PIEZO2: variants seen among roughly 807,000 people sequenced by gnomAD.
PIEZO2 encodes the protein piezo type mechanosensitive ion channel component 2.
A neutral mutation model predicts 337.3 loss-of-function variants in PIEZO2; 172 were observed. That is an observed-to-expected ratio of 0.51 (90% CI 0.45 to 0.58). The LOEUF (loss-of-function observed/expected upper bound fraction) is 0.58, where lower values mean the gene tolerates loss of function less well. PIEZO2 is among the 20% of genes least tolerant of loss of function. PIEZO2 has a pLI of 0.00. For synonymous variants in PIEZO2, 1,251 were observed against 1,228.5 expected (o/e 1.02, Z -0.38); for missense variants, 3,028 against 3,391.3 (o/e 0.89, Z 2.66).
rs1271224410 is a variant in PIEZO2, at chr18:11,131,087, A to G, written c.64+17438T>C. On this transcript the variant is annotated intron_variant, in intron 1 of 55. Transcript: ENST00000674853. The surrounding 1 kb of genome is among the most constrained non-coding windows in gnomAD (Gnocchi z 5.3). Reference sequence around the variant, plus strand: ...CAAGGCCCTGCCACCTTCTGCAGATAACTACTCTCCTTTTGAGAGACAGCT... The same window carrying G: ...CAAGGCCCTGCCACCTTCTGCAGATGACTACTCTCCTTTTGAGAGACAGCT... Among the ~76,000 whole-genome samples, 1 of 152,184 alleles carries G rather than the reference A, an allele frequency of 6.6e-6. No homozygotes were observed. Among genetic ancestry groups the G allele is most frequent in the Non-Finnish European group, 1.5e-5 (1 of 68,022 alleles).
At chr18:10,808,169 G>A (rs949185936) in intron 7 of PIEZO2, among the ~76,000 whole-genome samples, 4 of 152,112 alleles carry the variant, frequency 2.6e-5, no homozygotes, top group African/African-American at 9.7e-5. Context: ...GCCCACTGCA[G>A]CCTTGAGTGC....
At chr18:10,691,087 GC>G in intron 48 of PIEZO2, 137 bp downstream of exon 48, 4 of 1,025,490 alleles carry the variant, frequency 3.9e-6, no homozygotes, top group Non-Finnish European at 5.7e-6. Context: ...TTGTTCCTTT[GC>G]CAACATCGTA....
intron 1 of PIEZO2, among the ~76,000 whole-genome samples, chr18:11,067,442 T>A (rs1403748489): frequency 6.6e-6 from 1 of 152,044 alleles, no homozygotes; most frequent in African/African-American, 2.4e-5. Context: ...TCAAAAGACA[T>A]AGCTTGGATG....
chr18:11,057,903 T>C (rs1349144485), intron 2 of PIEZO2, among the ~76,000 whole-genome samples: 1 of 152,220 alleles, frequency 6.6e-6, no homozygotes, highest in East Asian at 1.9e-4. Flanking sequence ...TATAGCACAG[T>C]AGTATGTAAC....
intron 3 of PIEZO2, among the ~76,000 whole-genome samples, chr18:10,931,118 T>C (rs2032054482): frequency 7.8e-6 from 1 of 127,436 alleles, no homozygotes; most frequent in African/African-American, 2.9e-5. Flanking sequence ...ACTGAATAAT[T>C]CTTCCTACTC....
intron 1 of PIEZO2, among the ~76,000 whole-genome samples, chr18:11,079,072 T>C (rs1192295537): frequency 6.6e-6 from 1 of 152,206 alleles, no homozygotes; most frequent in Non-Finnish European, 1.5e-5. Flanking sequence ...TCACTATAGG[T>C]GTTTCCATCA....
At chr18:11,059,597 G>T (rs537535744) in intron 2 of PIEZO2, among the ~76,000 whole-genome samples, 1 of 152,158 alleles carries the variant, frequency 6.6e-6, no homozygotes, top group African/African-American at 2.4e-5. Flanking sequence ...AAAAGGCAGG[G>T]GTTGCAATCC....
intron 4 of PIEZO2, among the ~76,000 whole-genome samples, chr18:10,906,108 C>T (rs1256556154): frequency 6.6e-6 from 1 of 152,060 alleles, no homozygotes; most frequent in Non-Finnish European, 1.5e-5. Flanking sequence ...AGAGCTAGGC[C>T]TTTTGAATTA....
rs765670004 is a variant in PIEZO2, at chr18:10,895,395, G to A, written c.329+15791C>T. 1.1e-4 allele frequency among the ~76,000 whole-genome samples: 16 copies of A among 151,870 alleles called. No homozygotes were observed. Among genetic ancestry groups the A allele is most frequent in the African/African-American group, 1.5e-4 (6 of 41,314 alleles). ...TGGGTGGCAGAGGTTGCAGTGAGCCGAGATTGCACCACAGCACTCCAGCCT... is the reference window on the plus strand; with the variant it reads ...TGGGTGGCAGAGGTTGCAGTGAGCCAAGATTGCACCACAGCACTCCAGCCT... On this transcript the variant is annotated intron_variant, in intron 4 of 55. Coordinates refer to ENST00000674853, the MANE Select transcript of PIEZO2 (RefSeq NM_001378183.1). The surrounding 1 kb of genome is among the most constrained non-coding windows in gnomAD (Gnocchi z 4.8).
Position 10,675,294 on chromosome 18 carries a change from C to A in PIEZO2, c.8082-6G>T. 2 of 1,438,536 alleles carry A rather than the reference C, an allele frequency of 1.4e-6. No individual in the cohort carries two copies. Among genetic ancestry groups the A allele is most frequent in the Admixed American group, 2.6e-5 (1 of 39,040 alleles). 89.1% of individuals were successfully genotyped at this position (1,438,536 alleles called of 1,614,324 possible). ...GATAAATCTTTTCTATGGTCCTGTA[C>A]ATTAAGAAAAAAAAGATACAATTAC... On this transcript the variant is annotated splice_region_variant and splice_polypyrimidine_tract_variant and intron_variant, in intron 53 of 55. Transcript: ENST00000674853.
At chr18:10,776,904 A>G (rs1475469968) in intron 18 of PIEZO2, among the ~76,000 whole-genome samples, 1 of 152,214 alleles carries the variant, frequency 6.6e-6, no homozygotes, top group Non-Finnish European at 1.5e-5. Context: ...TGGAAACTTC[A>G]GGCTAAAGAA....
intron 2 of PIEZO2, among the ~76,000 whole-genome samples, chr18:10,994,809 C>T (rs2035245556): frequency 1.3e-5 from 2 of 151,840 alleles, no homozygotes; most frequent in African/African-American, 4.8e-5. Context: ...TTGCCAGGCA[C>T]AGTAGCTCAC....
chr18:10,822,106 T>C (rs946182578), intron 7 of PIEZO2, among the ~76,000 whole-genome samples: 8 of 152,226 alleles, frequency 5.3e-5, no homozygotes, highest in Admixed American at 6.5e-5. Context: ...AATGATCACA[T>C]GCCTGCATGT....
chr18:10,871,448 A>T, intron 4 of PIEZO2, 33 bp from the exon 5 acceptor site: 2 of 1,515,614 alleles, frequency 1.3e-6, no homozygotes, highest in Non-Finnish European at 1.8e-6. Flanking sequence ...GGGGAAAAAA[A>T]TTTAGTTCTT....
At chr18:10,712,628 C>T (rs1402946593) in intron 39 of PIEZO2, among the ~76,000 whole-genome samples, 1 of 152,198 alleles carries the variant, frequency 6.6e-6, no homozygotes, top group African/African-American at 2.4e-5. Context: ...TTCAGGAAGA[C>T]ACAGTGACGC....
Position 10,940,405 on chromosome 18 carries a change from A to G in PIEZO2, c.287-29177T>C, listed in dbSNP as rs138860694. ...GGATCAGTGCTACATGGATGCCAACAACATAAGCGAATCTTACCTGCAGAA... is the reference window on the plus strand; with the variant it reads ...GGATCAGTGCTACATGGATGCCAACGACATAAGCGAATCTTACCTGCAGAA... On this transcript the variant is annotated intron_variant, in intron 3 of 55. Transcript: ENST00000674853. The surrounding 1 kb of genome is among the most constrained non-coding windows in gnomAD (Gnocchi z 5.3). 5.3e-3 allele frequency among the ~76,000 whole-genome samples: 803 copies of G among 152,336 alleles called. 6 individuals carry two copies. The highest frequency in any genetic ancestry group is 0.018 in the African/African-American group (767 of 41,570).
intron 17 of PIEZO2, among the ~76,000 whole-genome samples, chr18:10,782,370 A>C (rs1189650155): frequency 1.3e-5 from 1 of 77,030 alleles, no homozygotes; most frequent in South Asian, 4.0e-4. Flanking sequence ...TATATAAATA[A>C]TTATAATATA....
In PIEZO2 at chr18:10,775,369, C is replaced by T. The variant is rs749095970; in HGVS notation, c.2535-1331G>A. On this transcript the variant is annotated intron_variant, in intron 18 of 55. Transcript: ENST00000674853. This position sits in a 1 kb window ranked among gnomAD's most constrained non-coding sequence, Gnocchi z 4.3. ...AAATGTTATTAAATGTGGAAGTGAT[C>T]GGCTGCTGCACAGTCGTCAGTATGT... 1.8e-4 allele frequency among the ~76,000 whole-genome samples: 27 copies of T among 152,124 alleles called. No individual in the cohort carries two copies. Among genetic ancestry groups the T allele is most frequent in the Non-Finnish European group, 3.2e-4 (22 of 68,028 alleles).
intron 2 of PIEZO2, among the ~76,000 whole-genome samples, chr18:11,029,145 T>C (rs1048399430): frequency 6.6e-6 from 1 of 152,192 alleles, no homozygotes; most frequent in African/African-American, 2.4e-5. Flanking sequence ...AGAATGTATC[T>C]GAATTGTACT....
Sources: allele counts gnomAD v4.1 joint callset (sites outside exome capture counted in the v4.1 genomes callset), GRCh38; gene constraint gnomAD v4.1.1; non-coding constraint Gnocchi (gnomAD v3.1); transcripts MANE v1.5; gene names NCBI Gene and HGNC (gene_info 2026-07-23, HGNC 2026-07-21).